The following AHNAK2 variants were observed in gnomAD, a reference collection of about 807,000 sequenced individuals.
AHNAK2 encodes AHNAK nucleoprotein 2.
Under a neutral mutation model 30.7 loss-of-function variants are expected in AHNAK2, and 18 were observed. The observed-to-expected ratio is 0.59, with a 90% CI of 0.41 to 0.87. The LOEUF (loss-of-function observed/expected upper bound fraction) is 0.87, where lower values mean the gene tolerates loss of function less well. AHNAK2 is among the 40% of genes least tolerant of loss of function. AHNAK2 has a pLI of 0.00. For missense variants in AHNAK2, 8,604 were observed against 7,373.0 expected, an observed-to-expected ratio of 1.17 and a Z score of -6.11; for synonymous variants, 3,590 against 3,073.8, an observed-to-expected ratio of 1.17 and a Z score of -5.56.
In AHNAK2 at chr14:104,946,866, C is replaced by G. The variant is rs367906140; in HGVS notation, c.8585G>C (p.Arg2862Pro). 1.5e-4 allele frequency: 241 copies of G among 1,612,590 alleles called. 1 individual carries two copies. Among genetic ancestry groups the G allele is most frequent in the Middle Eastern group, 3.3e-4 (2 of 6,054 alleles). ...CAGTTGGGCGGAGGGGGGCTGAATG[C>G]GGATGTCAGTGGTCTTAAGATCCCC... ...MQGDLKTTDI[R>P]IQPPSAQLEV... Residue 2862 changes from arginine to proline, a missense_variant, in exon 7 of 7, where the codon CGC (arginine) becomes CCC (proline). Arg to Pro is a moderately radical substitution (Grantham distance 103). Coordinates refer to ENST00000333244, the MANE Select transcript of AHNAK2 (RefSeq NM_138420.4).
Position 104,949,605 on chromosome 14 carries a change from A to G in AHNAK2, c.5846T>C (p.Val1949Ala). Residue 1949 changes from valine to alanine, a missense_variant, in exon 7 of 7, where the codon GTG becomes GCG. Val to Ala is a moderately conservative substitution (Grantham distance 64). Coordinates refer to ENST00000333244, the MANE Select transcript of AHNAK2 (RefSeq NM_138420.4). ...KAEVTAPDVE[V>A]SLPSMEVDVQ... Reference sequence around the variant, plus strand: ...ATCCACCTCCATGCTGGGCAGAGACACCTCGACATCGGGGGCTGTCACTTC... The same window carrying G: ...ATCCACCTCCATGCTGGGCAGAGACGCCTCGACATCGGGGGCTGTCACTTC... 6.3e-7 allele frequency: 1 copy of G among 1,588,970 alleles called. No homozygotes were observed. The highest frequency in any genetic ancestry group is 8.6e-7 in the Non-Finnish European group (1 of 1,163,416).
In AHNAK2 at chr14:104,947,141, G is replaced by A. The variant is rs747103855; in HGVS notation, c.8310C>T (p.Pro2770=). The change falls in exon 7 of 7, where the codon CCC becomes CCT. Residue 2770 remains proline (P), a synonymous_variant. Coordinates refer to ENST00000333244, the MANE Select transcript of AHNAK2 (RefSeq NM_138420.4). ...LKGPKAEVTA[P]DVKMSLSSME... is the part of the protein sequence containing the mutation. ...TGCTGGACAGAGACATCTTCACATC[G>A]GGGGCTGTCACTTCCGCCTTGGGGC... 1.2e-4 allele frequency: 196 copies of A among 1,611,704 alleles called. 3 individuals carry two copies. Among genetic ancestry groups the A allele is most frequent in the South Asian group, 2.4e-4 (22 of 90,958 alleles).
chr14:104,961,895 C>A lies in AHNAK2; in HGVS notation c.56-4223G>T, dbSNP rs1899159881. Among the ~76,000 whole-genome samples, 3 of 152,194 alleles carry A rather than the reference C, an allele frequency of 2.0e-5. No individual in the cohort carries two copies. The South Asian group carries it at 6.2e-4, about 32-fold the overall frequency. The stretch of plus-strand genomic sequence containing the variant: ...GGCTGAGGTGGGAGGATCACTTGAG[C>A]CCAGGAGGTTAAAGCTGCAGTGAGC... On this transcript the variant is annotated intron_variant, in intron 1 of 6. Transcript: ENST00000333244.
Position 104,949,077 on chromosome 14 carries a change from G to T in AHNAK2, c.6374C>A (p.Ala2125Asp), listed in dbSNP as rs1310826892. The T allele has an allele frequency of 2.8e-6, 3 of 1,068,726 alleles. 1 individual carries two copies. The highest frequency in any genetic ancestry group is 2.7e-6 in the Non-Finnish European group (2 of 734,206). The allele number at this position is 1,068,726 out of a possible 1,614,324, so 66.2% of individuals were successfully genotyped here. A position where few individuals can be genotyped will look rare whatever the true frequency, so the allele number is the denominator to read the frequency against. The stretch of plus-strand genomic sequence containing the variant: ...CGCACTATCCAGCTTGGCTCTTGGG[G>T]CCTGGACGTCCACCTCCATGCTGGG... ...SLPSMEVDVQ[A>D]PRAKLDSAHL... The change falls in exon 7 of 7, where the codon GCC (alanine) becomes GAC (aspartate). Residue 2125 changes from alanine to aspartate, a missense_variant. Physicochemically the swap from Ala to Asp is moderately radical, Grantham distance 126. Coordinates refer to ENST00000333244, the MANE Select transcript of AHNAK2 (RefSeq NM_138420.4).
rs374500484 is a variant in AHNAK2 at position 104,952,495 on chromosome 14, G to T, written c.2956C>A (p.Leu986Met). 4.6e-5 allele frequency: 74 copies of T among 1,611,964 alleles called. 1 individual carries two copies. The African/African-American group carries it at 9.6e-4, about 21-fold the overall frequency. ...TTGGCAGTCACGTCCTTGTCGGCCA[G>T]GGACAGGTCCCCCTCCAGCCACGCA... Reference protein sequence around the residue: ...DGAWLEGDLSLADKDVTAKDS... With the variant: ...DGAWLEGDLSMADKDVTAKDS... The change falls in exon 7 of 7, where the codon CTG becomes ATG. Residue 986 changes from leucine to methionine, a missense_variant. By Grantham distance (15) the Leu-to-Met change is conservative. Transcript: ENST00000333244.
intron 1 of AHNAK2, among the ~76,000 whole-genome samples, chr14:104,963,209 A>C (rs1453645767): frequency 6.6e-6 from 1 of 152,238 alleles, no homozygotes; most frequent in African/African-American, 2.4e-5. Flanking sequence ...AATAAGTACA[A>C]GGAAAGATGC....
At chr14:104,970,112 C>T (rs910551542) in intron 1 of AHNAK2, among the ~76,000 whole-genome samples, 1 of 152,166 alleles carries the variant, frequency 6.6e-6, no homozygotes, top group Non-Finnish European at 1.5e-5. Flanking sequence ...CCCCCACACC[C>T]AGGCTCCTTG....
In AHNAK2 at chr14:104,939,072, A is replaced by G. The variant is rs2140814681; in HGVS notation, c.16379T>C (p.Ile5460Thr). 7 of 1,604,700 alleles carry G rather than the reference A, an allele frequency of 4.4e-6. No homozygotes were observed. Among genetic ancestry groups the G allele is most frequent in the Middle Eastern group, 1.7e-4 (1 of 6,050 alleles). ...DLNLPLEAPP[I>T]SKVRVHIQGA... is the part of the protein sequence containing the mutation. ...CTGAATATGCACTCTGACCTTTGAA[A>G]TTGGGGGAGCTTCCAAAGGCAGGTT... The change falls in exon 7 of 7, where the codon ATT becomes ACT. Residue 5460 changes from isoleucine (I) to threonine (T), a missense_variant. Ile to Thr is a moderately conservative substitution (Grantham distance 89). Coordinates refer to ENST00000333244, the MANE Select transcript of AHNAK2 (RefSeq NM_138420.4).
chr14:104,967,324 G>A (rs941883087), intron 1 of AHNAK2, among the ~76,000 whole-genome samples: 1 of 152,078 alleles, frequency 6.6e-6, no homozygotes. Context: ...GAAGGGACTC[G>A]CCAGGCAGGG....
rs368041963 is a variant in AHNAK2, at chr14:104,944,186, C to T, written c.11265G>A (p.Ala3755=). 1.4e-5 allele frequency: 22 copies of T among 1,612,112 alleles called. No homozygotes were observed. The highest frequency in any genetic ancestry group is 8.1e-5 in the African/African-American group (6 of 74,486). ...GPKLDLKVSK[A]EVTAPDVEVS... ...CCTCCACATCAGGGGCTGTGACTTC[C>T]GCCTTGGAGACTTTTAGGTCCAGCT... is the stretch of plus-strand genomic sequence containing the variant. Residue 3755 remains alanine, a synonymous_variant, in exon 7 of 7, where the codon GCG becomes GCA. Coordinates refer to ENST00000333244, the MANE Select transcript of AHNAK2 (RefSeq NM_138420.4).
In AHNAK2 at chr14:104,943,366, C is replaced by G. The variant is rs757089683; in HGVS notation, c.12085G>C (p.Ala4029Pro). 26 of 1,612,858 alleles carry G rather than the reference C, an allele frequency of 1.6e-5. 1 individual carries two copies. In the South Asian group the frequency reaches 2.7e-4, roughly 17 times the overall value. ...GGGAGTTTCACGTCCACTTGGCCAGCCTGGACCTCCAGGTCAGCGGAAGGG... is the reference window on the plus strand; with the variant it reads ...GGGAGTTTCACGTCCACTTGGCCAGGCTGGACCTCCAGGTCAGCGGAAGGG... ...QPPSADLEVQ[A>P]GQVDVKLPEG... The change falls in exon 7 of 7, where the codon GCT (alanine) becomes CCT (proline). Residue 4029 changes from alanine (A) to proline (P), a missense_variant. Ala to Pro is a conservative substitution (Grantham distance 27). Transcript: ENST00000333244.
At chr14:104,974,544 T>C (rs149260387) in intron 1 of AHNAK2, among the ~76,000 whole-genome samples, 245 of 152,368 alleles carry the variant, frequency 1.6e-3, no homozygotes, top group Non-Finnish European at 2.9e-3. Context: ...ATTGGGCCAG[T>C]TGTCCTCCAG....
rs767423130 is a variant in AHNAK2, at chr14:104,942,928, C to G, written c.12523G>C (p.Asp4175His). ...ATGCTGAGGTCAGTGGTCTTGAGGT[C>G]CCCCTGCATGGAGGGGAGGCTCACG... is the stretch of plus-strand genomic sequence containing the variant. ...ADVSLPSMQGDLKTTDLSIQS... is the reference protein window; with the variant it reads ...ADVSLPSMQGHLKTTDLSIQS... The change falls in exon 7 of 7, where the codon GAC (aspartate) becomes CAC (histidine). Residue 4175 changes from aspartate (D) to histidine (H), a missense_variant. Coordinates refer to ENST00000333244, the MANE Select transcript of AHNAK2 (RefSeq NM_138420.4). 1 of 1,613,232 alleles carries G rather than the reference C, an allele frequency of 6.2e-7. No homozygotes were observed.
chr14:104,943,781 C>G lies in AHNAK2; in HGVS notation c.11670G>C (p.Gln3890His). ...AGLKGHLPKV[Q>H]MPSFKMPKVD... ...CTTTGGGCATCTTGAAACTGGGCAT[C>G]TGCACCTTGGGCAGGTGTCCTTTGA... The change falls in exon 7 of 7, where the codon CAG becomes CAC. Residue 3890 changes from glutamine to histidine, a missense_variant. Physicochemically the swap from Gln to His is conservative, Grantham distance 24 (BLOSUM62 0). Coordinates refer to ENST00000333244, the MANE Select transcript of AHNAK2 (RefSeq NM_138420.4). 6.2e-7 allele frequency: 1 copy of G among 1,613,248 alleles called. No individual in the cohort carries two copies. The highest frequency in any genetic ancestry group is 8.5e-7 in the Non-Finnish European group (1 of 1,179,600).
At chr14:104,964,043 C>A (rs891568725) in intron 1 of AHNAK2, among the ~76,000 whole-genome samples, 10 of 152,084 alleles carry the variant, frequency 6.6e-5, no homozygotes, top group Non-Finnish European at 1.5e-4. Context: ...CGATAAATTG[C>A]AGCTATCTTT....
intron 1 of AHNAK2, among the ~76,000 whole-genome samples, chr14:104,961,470 G>A (rs1006016397): frequency 1.5e-4 from 23 of 151,132 alleles, no homozygotes; most frequent in East Asian, 3.9e-4. Context: ...AGCCGAGATC[G>A]CGTCACTGCA....
In AHNAK2 at chr14:104,943,162, A is replaced by G. The variant is rs201309304; in HGVS notation, c.12289T>C (p.Ser4097Pro). The G allele has an allele frequency of 5.6e-5, 90 of 1,610,974 alleles. 1 individual carries two copies. The highest frequency in any genetic ancestry group is 7.2e-5 in the Non-Finnish European group (85 of 1,178,798). ...VTAPDVKMSL[S>P]SMEVDVQAPR... ...GCCTGGACGTCCACCTCCATGCTGG[A>G]CAGAGACATCTTCACATCAGGGGCT... is the stretch of plus-strand genomic sequence containing the variant. The change falls in exon 7 of 7, where the codon TCC (serine) becomes CCC (proline). Residue 4097 changes from serine to proline, a missense_variant. Transcript: ENST00000333244.
rs762660460 is a variant in AHNAK2 at position 104,940,915 on chromosome 14, A to G, written c.14536T>C (p.Ser4846Pro). The G allele has an allele frequency of 6.2e-7, 1 of 1,612,664 alleles. No individual in the cohort carries two copies. Among genetic ancestry groups the G allele is most frequent in the Non-Finnish European group, 8.5e-7 (1 of 1,179,632 alleles). The part of the protein sequence containing the change: ...GVPTSQAESH[S>P]GPLNSMIPVS... ...GGAATCATGGAATTCAGTGGGCCAG[A>G]GTGACTCTCAGCTTGAGATGTTGGA... Residue 4846 changes from serine to proline, a missense_variant, in exon 7 of 7, where the codon TCT (serine) becomes CCT (proline). Coordinates refer to ENST00000333244, the MANE Select transcript of AHNAK2 (RefSeq NM_138420.4). The surrounding 1 kb of genome is among the most constrained non-coding windows in gnomAD (Gnocchi z 4.4).
intron 1 of AHNAK2, among the ~76,000 whole-genome samples, chr14:104,967,832 G>A (rs1595432514): frequency 1.3e-5 from 2 of 152,138 alleles, no homozygotes; most frequent in South Asian, 4.1e-4. Context: ...CGCGCCAGTC[G>A]GGAGAGAGAG....
Sources: gnomAD v4.1 joint callset for allele counts (sites outside exome capture counted in the v4.1 genomes callset) on GRCh38, gnomAD v4.1.1 for gene constraint, Gnocchi (gnomAD v3.1) non-coding constraint, MANE v1.5 for transcripts, NCBI Gene and HGNC (gene_info 2026-07-23, HGNC 2026-07-21) for gene names.